The following DTNA variants were observed in gnomAD, a reference collection of about 807,000 sequenced individuals.
The protein encoded by DTNA is dystrophin-related protein 3.
A neutral mutation model predicts 100.7 loss-of-function variants in DTNA; 43 were observed. The observed-to-expected ratio is 0.43, with a 90% CI of 0.33 to 0.55. The LOEUF (loss-of-function observed/expected upper bound fraction) is 0.55. Among genes scored for constraint, DTNA ranks in the 20% least tolerant of loss-of-function variants. The pLI is 0.04. For synonymous variants in DTNA, 349 were observed against 347.9 expected (o/e 1.00, Z -0.04); for missense variants, 798 against 953.9 (o/e 0.84, Z 2.15).
chr18:34,848,312 A>G lies in DTNA; in HGVS notation c.1363A>G (p.Asn455Asp). The change falls in exon 14 of 23, where the codon AAC becomes GAC. Residue 455 changes from asparagine to aspartate, a missense_variant. Physicochemically the swap from Asn to Asp is conservative, Grantham distance 23. Around this residue, in one of 6 missense-constraint regions of DTNA, gnomAD observed 159 missense variants for 201.2 expected, o/e 0.79. Coordinates refer to ENST00000444659, the MANE Select transcript of DTNA (RefSeq NM_001386795.1). Reference sequence around the variant, plus strand: ...TCTTAATAGCATGCTTGAGAGTTCAAACCGGCTTGATGAAGAACACAGGCT... The same window carrying G: ...TCTTAATAGCATGCTTGAGAGTTCAGACCGGCTTGATGAAGAACACAGGCT... ...NNPSCMLESS[N>D]RLDEEHRLIA... is the part of the protein sequence containing the mutation. 6.2e-7 allele frequency: 1 copy of G among 1,614,030 alleles called. No homozygotes were observed. The highest frequency in any genetic ancestry group is 8.5e-7 in the Non-Finnish European group (1 of 1,179,940).
chr18:34,630,494 T>G, intron 1 of DTNA, among the ~76,000 whole-genome samples: 1 of 152,082 alleles, frequency 6.6e-6, no homozygotes, highest in African/African-American at 2.4e-5. Context: ...GAGTTGGGAA[T>G]AGTGATGGAA....
At chr18:34,804,889 G>A (rs1225307824) in intron 4 of DTNA, among the ~76,000 whole-genome samples, 2 of 152,082 alleles carry the variant, frequency 1.3e-5, no homozygotes, top group Non-Finnish European at 1.5e-5. Flanking sequence ...AAATGACAGC[G>A]ACAGTGATAA....
chr18:34,808,482 C>G (rs529606889), intron 5 of DTNA, among the ~76,000 whole-genome samples: 9 of 152,324 alleles, frequency 5.9e-5, no homozygotes, highest in African/African-American at 1.7e-4. Context: ...AATCCACTTT[C>G]ACCTCCTGTG....
intron 13 of DTNA, among the ~76,000 whole-genome samples, chr18:34,845,536 T>C (rs2096361022): frequency 6.6e-6 from 1 of 152,174 alleles, no homozygotes; most frequent in Non-Finnish European, 1.5e-5. Flanking sequence ...AGATATCATG[T>C]TCCTGGGCCT....
intron 1 of DTNA, among the ~76,000 whole-genome samples, chr18:34,549,827 G>A (rs965543709): frequency 7.9e-5 from 12 of 151,958 alleles, no homozygotes; most frequent in African/African-American, 2.9e-4. Context: ...TACTTTAAAA[G>A]TTAGTCTTTA....
intron 8 of DTNA, among the ~76,000 whole-genome samples, chr18:34,819,503 A>G (rs886610914): frequency 2.6e-5 from 4 of 152,178 alleles, no homozygotes; most frequent in Non-Finnish European, 5.9e-5. Flanking sequence ...AAAACTTTCT[A>G]TTTTCTTATT....
chr18:34,868,618 A>T, intron 17 of DTNA: 1 of 985,462 alleles, frequency 1.0e-6, no homozygotes, highest in Non-Finnish European at 1.2e-6. Flanking sequence ...TTGCTTTATC[A>T]TAAGTCTGTG....
chr18:34,679,940 G>T (rs2077862442), intron 1 of DTNA, among the ~76,000 whole-genome samples: 1 of 152,004 alleles, frequency 6.6e-6, no homozygotes, highest in South Asian at 2.1e-4. Flanking sequence ...TATATAATTT[G>T]TAAAATATAA....
chr18:34,644,460 T>C (rs1446692118), intron 1 of DTNA, among the ~76,000 whole-genome samples: 2 of 152,162 alleles, frequency 1.3e-5, no homozygotes, highest in African/African-American at 2.4e-5. Context: ...TAAAAGGCTT[T>C]CTGGGATTAC....
intron 17 of DTNA, chr18:34,868,149 T>TTAA: frequency 2.4e-6 from 1 of 424,820 alleles, no homozygotes; most frequent in Non-Finnish European, 3.0e-6. Context: ...GTTCTGGCAA[T>TTAA]GAAGCAAAAA....
chr18:34,815,908 GA>G lies in DTNA; in HGVS notation c.609del (p.Val204SerfsTer3), dbSNP rs2095586698. 6.2e-7 allele frequency: 1 copy of G among 1,613,178 alleles called. No individual in the cohort carries two copies. Reference sequence around the variant, plus strand: ...AATTTATGGGGGGTTTTTTTATGCAGAAAAAAGTCACGTTAAATGGTTTCTT... The same window carrying G: ...AATTTATGGGGGGTTTTTTTATGCAGAAAAAGTCACGTTAAATGGTTTCTT... ...QSARSCFSQQ[K>X]KVTLNGFLDT... is the part of the protein sequence containing the mutation. On this transcript the variant is annotated frameshift_variant and splice_region_variant, in exon 7 of 23. Coordinates refer to ENST00000444659, the MANE Select transcript of DTNA (RefSeq NM_001386795.1). LOFTEE classifies it high-confidence loss of function.
At chr18:34,775,359 G>A (rs775950227) in intron 3 of DTNA, among the ~76,000 whole-genome samples, 5 of 152,094 alleles carry the variant, frequency 3.3e-5, no homozygotes, top group Non-Finnish European at 7.4e-5. Context: ...GGTGGTGGGC[G>A]CCAGTAGTCC....
chr18:34,536,609 C>G (rs895854923), intron 1 of DTNA, among the ~76,000 whole-genome samples: 7 of 151,714 alleles, frequency 4.6e-5, no homozygotes, highest in Non-Finnish European at 1.0e-4. Flanking sequence ...ATTAGTTTTA[C>G]TATAATGTAA....
intron 21 of DTNA, 27 bp downstream of exon 21, chr18:34,882,228 C>G: frequency 6.2e-7 from 1 of 1,612,650 alleles, no homozygotes; most frequent in Non-Finnish European, 8.5e-7. Context: ...CCACCCCACC[C>G]CACCTCTTCT....
chr18:34,809,870 A>C (rs961856929), intron 5 of DTNA, among the ~76,000 whole-genome samples: 5 of 152,222 alleles, frequency 3.3e-5, no homozygotes, highest in Non-Finnish European at 7.3e-5. Context: ...GGCACCATTC[A>C]GTGGTAGGGT....
intron 1 of DTNA, chr18:34,513,431 T>G (rs1383393719): frequency 6.6e-6 from 1 of 152,202 alleles, no homozygotes; most frequent in Admixed American, 6.5e-5. Context: ...TAACATCATT[T>G]TCTTTAGCAA....
intron 1 of DTNA, among the ~76,000 whole-genome samples, chr18:34,623,754 T>A (rs2056901323): frequency 6.6e-6 from 1 of 152,206 alleles, no homozygotes; most frequent in African/African-American, 2.4e-5. Context: ...TTCAAGGAAT[T>A]AAACACATGC....
chr18:34,495,861 C>G (rs781635955), intron 1 of DTNA, among the ~76,000 whole-genome samples: 9 of 152,154 alleles, frequency 5.9e-5, no homozygotes, highest in Non-Finnish European at 1.2e-4. Context: ...GAGAATTACT[C>G]TCACATATTT....
rs147420212 is a variant in DTNA, at chr18:34,622,009, G to C, written c.-2+128495G>C. ...AGAGTGGTTGCAAAGGGTGGGCAGA[G>C]GGGAGGAATTGGGAGATATTGTCCA... On this transcript the variant is annotated intron_variant, in intron 1 of 19. Coordinates refer to the DTNA transcript ENST00000283365. Among the ~76,000 whole-genome samples the C allele has an allele frequency of 5.0e-3, 762 of 152,232 alleles. 6 individuals carry two copies. The highest frequency in any genetic ancestry group is 0.017 in the African/African-American group (712 of 41,528).
Sources: gnomAD v4.1 joint callset for allele counts (sites outside exome capture counted in the v4.1 genomes callset) on GRCh38, gnomAD v4.1.1 for gene constraint, gnomAD v4.1.1 regional missense constraint, MANE v1.5 for transcripts, NCBI Gene and HGNC (gene_info 2026-07-23, HGNC 2026-07-21) for gene names.